The following LARS1 variants were observed in gnomAD, a reference collection of about 807,000 sequenced individuals.
The protein encoded by LARS1 is leucyl-tRNA synthetase 1.
A neutral mutation model predicts 162.8 loss-of-function variants in LARS1; 100 were observed. The observed-to-expected ratio is 0.61, with a 90% CI of 0.52 to 0.73. The LOEUF (loss-of-function observed/expected upper bound fraction) is 0.73. Among genes scored for constraint, LARS1 ranks in the 30% least tolerant of loss-of-function variants. The pLI is 0.00. For missense variants in LARS1, 1,258 were observed against 1,408.9 expected, an observed-to-expected ratio of 0.89 and a Z score of 1.71; for synonymous variants, 457 against 462.8, an observed-to-expected ratio of 0.99 and a Z score of 0.16.
intron 29 of LARS1, among the ~76,000 whole-genome samples, chr5:146,123,568 TGCA>T (rs893952909): frequency 6.6e-6 from 1 of 151,708 alleles, no homozygotes; most frequent in African/African-American, 2.4e-5. Context: ...AATATATCAG[TGCA>T]GCAATTCTAA....
chr5:146,119,195 T>C (rs1751700194), intron 31 of LARS1, among the ~76,000 whole-genome samples: 4 of 152,182 alleles, frequency 2.6e-5, no homozygotes, highest in Admixed American at 2.6e-4. Context: ...TCCCTACTCC[T>C]TTACTAGATG....
At chr5:146,139,449 T>TC (rs1491535022) in intron 21 of LARS1, among the ~76,000 whole-genome samples, 1 of 152,066 alleles carries the variant, frequency 6.6e-6, no homozygotes, top group East Asian at 1.9e-4. Flanking sequence ...TCTCTCTTTT[T>TC]CTCTCTTTAC....
In LARS1 at chr5:146,175,552, A is replaced by AG. The variant is rs1386392728; in HGVS notation, c.125+1994_125+1995insC. Among the ~76,000 whole-genome samples, 4 of 143,310 alleles carry AG rather than the reference A, an allele frequency of 2.8e-5. 1 individual carries two copies. The highest frequency in any genetic ancestry group is 6.1e-5 in the Non-Finnish European group (4 of 65,594). 94.0% of individuals were successfully genotyped at this position (143,310 alleles called of 152,430 possible). A position where few individuals can be genotyped will look rare whatever the true frequency, so the allele number is the denominator to read the frequency against. On this transcript the variant is annotated intron_variant, in intron 2 of 31. Transcript: ENST00000394434. ...CAAGACTCCACCTCAAAAAAAAAAAAAAAAAGGCCGGGCGCAGTGGCTCAC... is the reference window on the plus strand; with the variant it reads ...CAAGACTCCACCTCAAAAAAAAAAAAGAAAAAGGCCGGGCGCAGTGGCTCAC...
At chr5:146,150,695 T>C (rs1273718294) in intron 14 of LARS1, among the ~76,000 whole-genome samples, 1 of 151,192 alleles carries the variant, frequency 6.6e-6, no homozygotes, top group Non-Finnish European at 1.5e-5. Context: ...CCCAGCACTT[T>C]GGGAGGCCAA....
At chr5:146,169,874 AAG>A (rs1754183143) in intron 4 of LARS1, among the ~76,000 whole-genome samples, 1 of 152,082 alleles carries the variant, frequency 6.6e-6, no homozygotes, top group Non-Finnish European at 1.5e-5. Context: ...ATAGGAGGAA[AAG>A]TCACCTTTAG....
At chr5:146,124,964 T>G (rs1751981686) in intron 28 of LARS1, among the ~76,000 whole-genome samples, 1 of 151,456 alleles carries the variant, frequency 6.6e-6, no homozygotes, top group Non-Finnish European at 1.5e-5. Context: ...TTAAATGAGA[T>G]CCTAAAGAAG....
intron 4 of LARS1, among the ~76,000 whole-genome samples, chr5:146,171,527 T>C (rs1754276984): frequency 6.6e-6 from 1 of 152,218 alleles, no homozygotes. Flanking sequence ...ATGAAGATAT[T>C]TGCAAAAATG....
intron 15 of LARS1, 125 bp downstream of exon 15, chr5:146,149,497 C>A: frequency 1.4e-6 from 1 of 719,762 alleles, no homozygotes; most frequent in Non-Finnish European, 2.4e-6. Flanking sequence ...CTATTTTCTG[C>A]CGCAAAACTG....
At chr5:146,174,144 T>TAAAAAA (rs66479730) in intron 2 of LARS1, among the ~76,000 whole-genome samples, 1,110 of 88,998 alleles carry the variant, frequency 0.012, 29 homozygotes, top group East Asian at 0.054. Flanking sequence ...CTTTTTCTCT[T>TAAAAAA]AAAAAAAAAA....
chr5:146,120,238 T>C, intron 31 of LARS1, 133 bp downstream of exon 31: 2 of 971,746 alleles, frequency 2.1e-6, no homozygotes, highest in Non-Finnish European at 3.1e-6. Flanking sequence ...TTCTTGATTC[T>C]GATCCCAGTA....
rs1183729548 is a variant in LARS1, at chr5:146,153,799, C to A, written c.1165G>T (p.Val389Phe). The change falls in exon 12 of 32, where the codon GTT becomes TTT. Residue 389 changes from valine (V) to phenylalanine (F), a missense_variant. Transcript: ENST00000394434. ...TIKEDKGTGV[V>F]TSVPSDSPDD... ...GGGGAGTCGGAAGGAACACTTGTAA[C>A]CACACCAGTGCCTTAGAAAACAAAG... The A allele has an allele frequency of 1.2e-6, 2 of 1,613,940 alleles. No homozygotes were observed. The highest frequency in any genetic ancestry group is 1.7e-6 in the Non-Finnish European group (2 of 1,179,872).
chr5:146,146,061 T>C (rs918004972), intron 15 of LARS1, among the ~76,000 whole-genome samples: 15 of 152,190 alleles, frequency 9.9e-5, no homozygotes, highest in Admixed American at 3.3e-4. Context: ...TGGCATTAAA[T>C]AGCTCTAGAA....
chr5:146,146,777 C>T (rs979099246), intron 15 of LARS1, among the ~76,000 whole-genome samples: 6 of 151,142 alleles, frequency 4.0e-5, no homozygotes, highest in South Asian at 2.1e-4. Flanking sequence ...GTGGTGGCGC[C>T]GTCTCGACTC....
At position 146,173,597 on chromosome 5, in the gene LARS1, G is replaced by A. The variant is rs1418034044; in HGVS notation, c.126-823C>T. On this transcript the variant is annotated intron_variant, in intron 2 of 31. Coordinates refer to ENST00000394434, the MANE Select transcript of LARS1 (RefSeq NM_020117.11). Reference sequence around the variant, plus strand: ...TGTAAAGACAGGGTTCTCAATATAAGAACCACCATGAGCATGAGCTCATGA... The same window carrying A: ...TGTAAAGACAGGGTTCTCAATATAAAAACCACCATGAGCATGAGCTCATGA... Among the ~76,000 whole-genome samples, 3 of 146,554 alleles carry A rather than the reference G, an allele frequency of 2.0e-5. No homozygotes were observed. The Admixed American group carries it at 2.1e-4, about 10-fold the overall frequency.
intron 2 of LARS1, among the ~76,000 whole-genome samples, chr5:146,174,161 A>AAAG (rs1293828520): frequency 1.3e-5 from 2 of 149,030 alleles, no homozygotes; most frequent in African/African-American, 4.9e-5. Flanking sequence ...AAAAAAAAAA[A>AAAG]AAAAAGGCTG....
chr5:146,131,073 G>T lies in LARS1; in HGVS notation c.2433C>A (p.Asn811Lys). The T allele has an allele frequency of 1.3e-6, 2 of 1,591,018 alleles. No homozygotes were observed. The highest frequency in any genetic ancestry group is 1.7e-6 in the Non-Finnish European group (2 of 1,165,838). Reference protein sequence around the residue: ...LNAGIIKTDQNYEKMMFKEAL... With the variant: ...LNAGIIKTDQKYEKMMFKEAL... The stretch of plus-strand genomic sequence containing the variant: ...CTTCTTTAAACATCATCTTTTCATA[G>T]TTTTGATCTGTTTTTATAATTCCTG... The change falls in exon 24 of 32, where the codon AAC (asparagine) becomes AAA (lysine). Residue 811 changes from asparagine to lysine, a missense_variant. Transcript: ENST00000394434.
chr5:146,146,339 G>GGA (rs1753004397), intron 15 of LARS1, among the ~76,000 whole-genome samples: 1 of 90,436 alleles, frequency 1.1e-5, no homozygotes, highest in Non-Finnish European at 2.1e-5. Flanking sequence ...GCAAAACTCC[G>GGA]AAAAAAAAAA....
At chr5:146,144,191 G>T in intron 18 of LARS1, 76 bp downstream of exon 18, 2 of 1,078,594 alleles carry the variant, frequency 1.9e-6, no homozygotes, top group Non-Finnish European at 2.7e-6. Context: ...TTGAGGGCAG[G>T]GGGGAAAGGT....
At chr5:146,155,998 T>C (rs1455352297) in intron 10 of LARS1, among the ~76,000 whole-genome samples, 1 of 152,154 alleles carries the variant, frequency 6.6e-6, no homozygotes, top group Non-Finnish European at 1.5e-5. Context: ...AAAATAAGAA[T>C]AAAGAAGCTG....
Sources: allele counts gnomAD v4.1 joint callset (sites outside exome capture counted in the v4.1 genomes callset), GRCh38; gene constraint gnomAD v4.1.1; transcripts MANE v1.5; gene names NCBI Gene and HGNC (gene_info 2026-07-23, HGNC 2026-07-21).